The following DGLUCY variants were observed in gnomAD, a reference collection of about 807,000 sequenced individuals.
The protein encoded by DGLUCY is D-glutamate cyclase, mitochondrial.
In DGLUCY, 58 loss-of-function variants were observed where a neutral mutation model predicts 58.5. The ratio of observed to expected loss-of-function variants is 0.99; its 90% CI spans 0.80 to 1.23. The LOEUF (loss-of-function observed/expected upper bound fraction) is 1.23, where lower values mean the gene tolerates loss of function less well. Ranked by LOEUF, DGLUCY falls within the 50% of genes most tolerant of loss-of-function variation. The pLI, the probability that DGLUCY is intolerant of heterozygous loss-of-function variation, is 0.00. For missense variants in DGLUCY, 779 were observed against 784.7 expected (o/e 0.99, Z 0.09); for synonymous variants, 325 against 314.1 (o/e 1.03, Z -0.37).
At chr14:91,205,614 G>C (rs935126358) in intron 12 of DGLUCY, among the ~76,000 whole-genome samples, 2 of 152,122 alleles carry the variant, frequency 1.3e-5, no homozygotes, top group Admixed American at 6.6e-5. Context: ...GCGACCCAGT[G>C]GTCTGGGGGC....
intron 1 of DGLUCY, among the ~76,000 whole-genome samples, chr14:91,154,174 G>T (rs1329096648): frequency 6.6e-6 from 1 of 152,168 alleles, no homozygotes; most frequent in Non-Finnish European, 1.5e-5. Context: ...CCAAAGTGCT[G>T]GGATTACAGG....
intron 3 of DGLUCY, among the ~76,000 whole-genome samples, chr14:91,166,209 T>C (rs975849642): frequency 5.3e-5 from 8 of 152,238 alleles, no homozygotes; most frequent in Non-Finnish European, 1.0e-4. Flanking sequence ...ATTCATTTCA[T>C]GGCAATTCAT....
intron 1 of DGLUCY, among the ~76,000 whole-genome samples, chr14:91,155,479 G>A (rs1047247737): frequency 1.1e-4 from 16 of 152,178 alleles, no homozygotes; most frequent in African/African-American, 3.6e-4. Context: ...AGAGATAAAC[G>A]TGTTTTTATA....
chr14:91,192,741 T>C (rs773200266), intron 9 of DGLUCY, among the ~76,000 whole-genome samples: 3 of 152,036 alleles, frequency 2.0e-5, no homozygotes, highest in South Asian at 2.1e-4. Context: ...ACAGTGGAGG[T>C]TGCAGTTAGC....
intron 1 of DGLUCY, among the ~76,000 whole-genome samples, chr14:91,145,917 T>A (rs1042937850): frequency 1.3e-5 from 2 of 152,174 alleles, no homozygotes; most frequent in African/African-American, 2.4e-5. Flanking sequence ...CTCACCCTGT[T>A]GCCCAGGCTG....
chr14:91,131,385 CTTT>C (rs57926089), intron 1 of DGLUCY, among the ~76,000 whole-genome samples: 4 of 151,140 alleles, frequency 2.6e-5, no homozygotes, highest in African/African-American at 9.7e-5. Flanking sequence ...GAGATATTCT[CTTT>C]TTTTTTTGTC....
Position 91,223,156 on chromosome 14 carries a change from A to G in DGLUCY, c.1717-1528A>G, listed in dbSNP as rs537179591. Among the ~76,000 whole-genome samples, 6 of 152,318 alleles carry G rather than the reference A, an allele frequency of 3.9e-5. No homozygotes were observed. The South Asian group carries it at 1.0e-3, about 26-fold the overall frequency. ...AGAAAATGTTCCCTGAACCATGCCAATAAGCTGGGTTGGGTGCCCCTGCTC... is the reference window on the plus strand; with the variant it reads ...AGAAAATGTTCCCTGAACCATGCCAGTAAGCTGGGTTGGGTGCCCCTGCTC... On this transcript the variant is annotated intron_variant, in intron 13 of 13. Transcript: ENST00000256324.
chr14:91,070,568 G>A (rs1319150503), intron 1 of DGLUCY, among the ~76,000 whole-genome samples: 2 of 151,860 alleles, frequency 1.3e-5, no homozygotes, highest in Non-Finnish European at 2.9e-5. Flanking sequence ...TAAAAGTAAG[G>A]AATTATAGAA....
intron 1 of DGLUCY, among the ~76,000 whole-genome samples, chr14:91,061,375 T>A (rs2043677285): frequency 6.6e-6 from 1 of 152,250 alleles, no homozygotes; most frequent in Non-Finnish European, 1.5e-5. Context: ...AGACTCTTAC[T>A]AGGCGCCGAA....
intron 10 of DGLUCY, among the ~76,000 whole-genome samples, chr14:91,197,158 G>A (rs1310584382): frequency 6.6e-6 from 1 of 152,162 alleles, no homozygotes; most frequent in Non-Finnish European, 1.5e-5. Flanking sequence ...GTAGAGATGG[G>A]GTTTCACCAT....
intron 11 of DGLUCY, among the ~76,000 whole-genome samples, chr14:91,203,219 C>T (rs1163264721): frequency 1.3e-5 from 2 of 152,216 alleles, no homozygotes; most frequent in Non-Finnish European, 2.9e-5. Context: ...GTGTTATTCT[C>T]CTCATTCAGT....
At chr14:91,118,084 C>A (rs1286770052) in intron 1 of DGLUCY, among the ~76,000 whole-genome samples, 22 of 109,904 alleles carry the variant, frequency 2.0e-4, no homozygotes, top group African/African-American at 6.7e-4. Context: ...CGCCCCCCCC[C>A]CCCCTTTTTT....
At chr14:91,224,648 C>T (rs745691872) in intron 13 of DGLUCY, 36 bp from the exon 14 acceptor site, 44 of 1,560,242 alleles carry the variant, frequency 2.8e-5, no homozygotes, top group Non-Finnish European at 3.7e-5. Flanking sequence ...TTTCCTCCCC[C>T]TCCACTCCTT....
intron 6 of DGLUCY, 128 bp from the exon 7 acceptor site, chr14:91,175,806 C>A: frequency 8.9e-7 from 1 of 1,123,812 alleles, no homozygotes; most frequent in Non-Finnish European, 1.3e-6. Context: ...TCACCTCTTC[C>A]TCAAATACCA....
chr14:91,222,232 G>A (rs1009676623), intron 13 of DGLUCY, among the ~76,000 whole-genome samples: 2 of 152,212 alleles, frequency 1.3e-5, no homozygotes, highest in Non-Finnish European at 2.9e-5. Flanking sequence ...GGGAGTAGCT[G>A]TTGGCCCAGC....
chr14:91,213,996 G>A (rs1210943235), intron 12 of DGLUCY, among the ~76,000 whole-genome samples: 2 of 150,804 alleles, frequency 1.3e-5, no homozygotes, highest in African/African-American at 4.9e-5. Flanking sequence ...CACCGTGCCC[G>A]GCCAAGGGAG....
intron 13 of DGLUCY, chr14:91,220,572 G>C (rs1172934817): frequency 1.1e-5 from 5 of 456,246 alleles, no homozygotes; most frequent in Non-Finnish European, 2.2e-5. Flanking sequence ...GGGGCCTCCA[G>C]ATGCCATGTG....
At chr14:91,215,377 A>C (rs200990980) in intron 12 of DGLUCY, 28 bp from the exon 13 acceptor site, 1 of 1,580,890 alleles carries the variant, frequency 6.3e-7, no homozygotes, top group African/African-American at 1.3e-5. Flanking sequence ...TTCCAACTCC[A>C]TGATGGAATC....
At chr14:91,160,128 G>GC in intron 2 of DGLUCY, 138 bp from the exon 3 acceptor site, 1 of 655,718 alleles carries the variant, frequency 1.5e-6, no homozygotes, top group Non-Finnish European at 2.7e-6. Flanking sequence ...TCCAAACAAT[G>GC]CCCACCACAA....
Sources: gnomAD v4.1 joint callset for allele counts (sites outside exome capture counted in the v4.1 genomes callset) on GRCh38, gnomAD v4.1.1 for gene constraint, MANE v1.5 for transcripts, NCBI Gene and HGNC (gene_info 2026-07-23, HGNC 2026-07-21) for gene names.